SFMBT1: variants seen among roughly 807,000 people sequenced by gnomAD.
The protein encoded by SFMBT1 is scm-like with four MBT domains protein 1.
A neutral mutation model predicts 108.7 loss-of-function variants in SFMBT1; 32 were observed. The observed-to-expected ratio is 0.29, with a 90% CI of 0.22 to 0.40. The LOEUF (loss-of-function observed/expected upper bound fraction) is 0.40. Among genes scored for constraint, SFMBT1 ranks in the 10% least tolerant of loss-of-function variants. SFMBT1 has a pLI of 1.00. For synonymous variants in SFMBT1, 348 were observed against 369.5 expected (o/e 0.94, Z 0.67); for missense variants, 816 against 1,059.6 (o/e 0.77, Z 3.19).
At chr3:52,962,722 C>T (rs372770884) in intron 2 of SFMBT1, among the ~76,000 whole-genome samples, 2 of 144,276 alleles carry the variant, frequency 1.4e-5, no homozygotes, top group Middle Eastern at 3.6e-3. Flanking sequence ...GCATGAGAAT[C>T]GTTTGAACCC....
intron 1 of SFMBT1, among the ~76,000 whole-genome samples, chr3:53,003,759 CAAA>C (rs370165165): frequency 4.9e-5 from 4 of 81,934 alleles, no homozygotes; most frequent in Non-Finnish European, 7.1e-5. Flanking sequence ...ATAGAAAGGT[CAAA>C]AAAAAAAAAA....
chr3:52,949,741 G>A (rs756358082), intron 3 of SFMBT1, among the ~76,000 whole-genome samples: 1 of 151,486 alleles, frequency 6.6e-6, no homozygotes, highest in Non-Finnish European at 1.5e-5. Context: ...CACCACGCCT[G>A]GCTAATTTTG....
intron 4 of SFMBT1, among the ~76,000 whole-genome samples, chr3:52,941,353 G>T (rs1325873304): frequency 3.0e-4 from 46 of 152,148 alleles, no homozygotes; most frequent in Admixed American, 2.9e-3. Context: ...CAGCACTTTG[G>T]GAGGCAGAAG....
At chr3:52,944,619 A>G (rs1222887788) in intron 3 of SFMBT1, among the ~76,000 whole-genome samples, 1 of 152,136 alleles carries the variant, frequency 6.6e-6, no homozygotes, top group Non-Finnish European at 1.5e-5. Flanking sequence ...TCCTGGGTAC[A>G]AGCGATTTTC....
At chr3:52,988,351 T>G (rs1350247396) in intron 1 of SFMBT1, among the ~76,000 whole-genome samples, 1 of 152,198 alleles carries the variant, frequency 6.6e-6, no homozygotes, top group Non-Finnish European at 1.5e-5. Flanking sequence ...TTATAAATAT[T>G]GAGAACTTTT....
chr3:52,928,782 C>T (rs1437612641), intron 8 of SFMBT1, among the ~76,000 whole-genome samples: 1 of 151,104 alleles, frequency 6.6e-6, no homozygotes, highest in Admixed American at 6.6e-5. Context: ...CGAAGCACTG[C>T]AGTCTTGACT....
In SFMBT1 at chr3:52,995,319, G is replaced by GT. The variant is rs1410143071; in HGVS notation, c.-130-26062dup. On this transcript the variant is annotated intron_variant, in intron 1 of 20. Transcript: ENST00000394752. ...CTCAAAATGGACCATAAACCTAAAT[G>GT]TAAGAGCCAATATTTTTTAATATCC... 2.7e-5 allele frequency among the ~76,000 whole-genome samples: 4 copies of GT among 150,222 alleles called. 1 individual carries two copies. The highest frequency in any genetic ancestry group is 6.0e-5 in the Non-Finnish European group (4 of 67,080).
chr3:53,041,784 A>T (rs1700064822), intron 1 of SFMBT1, among the ~76,000 whole-genome samples: 1 of 151,750 alleles, frequency 6.6e-6, no homozygotes, highest in Non-Finnish European at 1.5e-5. Context: ...TCCTATCAAA[A>T]TCCCACTCCC....
At position 52,920,662 on chromosome 3, in the gene SFMBT1, T is replaced by TAAACAAAC. The variant is rs143128850; in HGVS notation, c.1259-20_1259-13dup. 6.7e-6 allele frequency: 10 copies of TAAACAAAC among 1,490,190 alleles called. No homozygotes were observed. Among genetic ancestry groups the TAAACAAAC allele is most frequent in the Middle Eastern group, 3.4e-4 (2 of 5,836 alleles). The allele number at this position is 1,490,190 out of a possible 1,614,324, so 92.3% of individuals were successfully genotyped here. On this transcript the variant is annotated splice_polypyrimidine_tract_variant and intron_variant, in intron 11 of 20. Coordinates refer to ENST00000394752, the MANE Select transcript of SFMBT1 (RefSeq NM_016329.4). ...AGGCTTCTTAGAACCTGTTTAGATT[T>TAAACAAAC]AAACAAACAAACAAACAAACAAACA...
intron 10 of SFMBT1, 98 bp from the exon 11 acceptor site, chr3:52,921,929 G>T: frequency 8.6e-7 from 1 of 1,159,880 alleles, no homozygotes; most frequent in Non-Finnish European, 1.3e-6. Context: ...TTAATCCCTA[G>T]GTTTAAAGAT....
At chr3:52,968,827 TC>T (rs1237931544) in intron 2 of SFMBT1, among the ~76,000 whole-genome samples, 1 of 152,128 alleles carries the variant, frequency 6.6e-6, no homozygotes, top group Non-Finnish European at 1.5e-5. Flanking sequence ...TCTCCTGACC[TC>T]GTGATCTGCC....
rs1702003536 is a variant in SFMBT1 at position 52,903,776 on chromosome 3, C to G, written c.*1360G>C. ...ACTCCTCATGACTAGAATAGTGCAG[C>G]AAACGCTATTATTCTATAATAGCTA... is the stretch of plus-strand genomic sequence containing the variant. On this transcript the variant is annotated 3_prime_UTR_variant, in exon 21 of 21. Transcript: ENST00000394752. 1 of 152,160 alleles carries G rather than the reference C, an allele frequency of 6.6e-6. No individual in the cohort carries two copies. Among genetic ancestry groups the G allele is most frequent in the South Asian group, 2.1e-4 (1 of 4,818 alleles). The allele number at this position is 152,160 out of a possible 1,614,324, so 9.4% of individuals were successfully genotyped here. A position where few individuals can be genotyped will look rare whatever the true frequency, so the allele number is the denominator to read the frequency against.
intron 10 of SFMBT1, among the ~76,000 whole-genome samples, chr3:52,923,874 AAGAAAGTGCCCACTG>A (rs148315100): frequency 0.013 from 1,949 of 152,314 alleles, 47 homozygotes; most frequent in African/African-American, 0.045. Context: ...AAGGTCCAGA[AAGAAAGTGCCCACTG>A]AGAACCTAGC....
chr3:53,009,537 G>C (rs1273724261), intron 1 of SFMBT1, among the ~76,000 whole-genome samples: 3 of 152,174 alleles, frequency 2.0e-5, no homozygotes, highest in African/African-American at 4.8e-5. Flanking sequence ...TCTGGTGCTA[G>C]ATAATACAAT....
At chr3:53,040,442 C>T (rs1381504439) in intron 1 of SFMBT1, among the ~76,000 whole-genome samples, 1 of 152,104 alleles carries the variant, frequency 6.6e-6, no homozygotes, top group African/African-American at 2.4e-5. Flanking sequence ...GCCAACAAAC[C>T]ACCTTCCAAC....
At chr3:53,041,830 A>C (rs897587823) in intron 1 of SFMBT1, among the ~76,000 whole-genome samples, 28 of 152,002 alleles carry the variant, frequency 1.8e-4, no homozygotes, top group African/African-American at 5.8e-4. Flanking sequence ...CAAGTAACCA[A>C]AATCCCCACA....
At chr3:52,921,866 T>C in intron 10 of SFMBT1, 35 bp from the exon 11 acceptor site, 3 of 1,610,474 alleles carry the variant, frequency 1.9e-6, no homozygotes, top group Non-Finnish European at 2.5e-6. Flanking sequence ...ATTTACTGGA[T>C]TAACACAGTA....
At chr3:52,955,361 C>T (rs1262877727) in intron 2 of SFMBT1, among the ~76,000 whole-genome samples, 2 of 151,658 alleles carry the variant, frequency 1.3e-5, no homozygotes, top group Admixed American at 6.6e-5. Context: ...TGCAGTGAGC[C>T]GAGATCGTGC....
intron 1 of SFMBT1, among the ~76,000 whole-genome samples, chr3:53,041,894 C>A (rs910728551): frequency 6.6e-6 from 1 of 151,916 alleles, no homozygotes; most frequent in East Asian, 1.9e-4. Flanking sequence ...TTTTCAAATA[C>A]AAAATATCCC....
Sources: gnomAD v4.1 joint callset for allele counts (sites outside exome capture counted in the v4.1 genomes callset) on GRCh38, gnomAD v4.1.1 for gene constraint, MANE v1.5 for transcripts, NCBI Gene and HGNC (gene_info 2026-07-23, HGNC 2026-07-21) for gene names.